The following ADCY5 variants were observed in gnomAD, a reference collection of about 807,000 sequenced individuals.
The protein encoded by ADCY5 is adenylate cyclase 5.
ADCY5 carries 30 observed loss-of-function variants against 119.7 expected under a neutral mutation model. The ratio of observed to expected loss-of-function variants is 0.25; its 90% CI spans 0.19 to 0.34. ADCY5 has a LOEUF of 0.34. Ranked by LOEUF, ADCY5 falls within the 10% of genes least tolerant of loss-of-function variation. The pLI, the probability that ADCY5 is intolerant of heterozygous loss-of-function variation, is 1.00. For missense variants in ADCY5, 1,324 were observed against 1,775.2 expected (o/e 0.75, Z 4.57); for synonymous variants, 753 against 762.2 (o/e 0.99, Z 0.20).
intron 3 of ADCY5, among the ~76,000 whole-genome samples, chr3:123,344,777 T>C (rs1420311126): frequency 2.0e-5 from 3 of 152,152 alleles, no homozygotes; most frequent in Non-Finnish European, 4.4e-5. Flanking sequence ...AGCACTGTGT[T>C]TCTACCAAGG....
intron 5 of ADCY5, among the ~76,000 whole-genome samples, chr3:123,329,561 T>A (rs967661037): frequency 4.6e-5 from 7 of 152,268 alleles, no homozygotes; most frequent in African/African-American, 1.7e-4. Flanking sequence ...CTGCCCAGCA[T>A]CTGCAGGAGA....
At chr3:123,381,942 C>A (rs1487972687) in intron 1 of ADCY5, among the ~76,000 whole-genome samples, 1 of 152,198 alleles carries the variant, frequency 6.6e-6, no homozygotes. Flanking sequence ...CCTTCTCACT[C>A]AAGGGAGAAG....
chr3:123,392,331 A>C (rs1944421586), intron 1 of ADCY5, among the ~76,000 whole-genome samples: 1 of 152,080 alleles, frequency 6.6e-6, no homozygotes, highest in Non-Finnish European at 1.5e-5. Context: ...AATGTGAGCA[A>C]GTTTTTTTCT....
rs757054331 is a variant in ADCY5 at position 123,325,376 on chromosome 3, G to A, written c.2034C>T (p.Arg678=). 6.2e-7 allele frequency: 1 copy of A among 1,614,154 alleles called. No individual in the cohort carries two copies. The highest frequency in any genetic ancestry group is 2.2e-5 in the East Asian group (1 of 44,856). ...GHNPPHWGAE[R]PFYNHLGGNQ... ...TGCCACCCAGGTGGTTGTAGAAGGGGCGCTCAGCCCCCCAGTGTGGTGGGT... is the reference window on the plus strand; with the variant it reads ...TGCCACCCAGGTGGTTGTAGAAGGGACGCTCAGCCCCCCAGTGTGGTGGGT... Residue 678 remains arginine (R), a synonymous_variant, in exon 8 of 21, where the codon CGC becomes CGT. Transcript: ENST00000462833.
chr3:123,351,955 G>C (rs1197466184), intron 2 of ADCY5, among the ~76,000 whole-genome samples: 1 of 152,198 alleles, frequency 6.6e-6, no homozygotes, highest in Non-Finnish European at 1.5e-5. Flanking sequence ...TCAGAGAGGG[G>C]AATAGCCAGG....
At chr3:123,415,538 G>A (rs774076953) in intron 1 of ADCY5, among the ~76,000 whole-genome samples, 3 of 152,180 alleles carry the variant, frequency 2.0e-5, no homozygotes, top group Non-Finnish European at 2.9e-5. Context: ...TCTCTTCAGC[G>A]TCTGCGGGAC....
At chr3:123,325,511 G>T in intron 7 of ADCY5, 49 bp from the exon 8 acceptor site, 1 of 1,610,986 alleles carries the variant, frequency 6.2e-7, no homozygotes. Context: ...CCAAGCGGAG[G>T]GCTCCTCACC....
chr3:123,443,905 G>C (rs1470248284), intron 1 of ADCY5, among the ~76,000 whole-genome samples: 1 of 152,150 alleles, frequency 6.6e-6, no homozygotes, highest in Non-Finnish European at 1.5e-5. Context: ...TCATCACCTA[G>C]AGTCCAGACC....
At chr3:123,357,427 C>T (rs975996918) in intron 1 of ADCY5, among the ~76,000 whole-genome samples, 2 of 152,082 alleles carry the variant, frequency 1.3e-5, no homozygotes, top group Admixed American at 6.6e-5. Flanking sequence ...ACTAATCCTC[C>T]GGGTCTCTCC....
chr3:123,292,598 C>A (rs1396580970), intron 17 of ADCY5, among the ~76,000 whole-genome samples: 3 of 152,174 alleles, frequency 2.0e-5, no homozygotes, highest in African/African-American at 7.2e-5. Flanking sequence ...CTTGCCAAGC[C>A]TTCCTGCCCA....
chr3:123,345,769 G>GACAGACACACACACACACAC (rs57198270), intron 3 of ADCY5, among the ~76,000 whole-genome samples: 202 of 113,816 alleles, frequency 1.8e-3, no homozygotes, highest in East Asian at 0.016. Context: ...CAGACAGACA[G>GACAGACACACACACACACAC]ACACACACAC....
chr3:123,426,986 T>C (rs1945428753), intron 1 of ADCY5, among the ~76,000 whole-genome samples: 1 of 152,158 alleles, frequency 6.6e-6, no homozygotes, highest in African/African-American at 2.4e-5. Context: ...TTGGGATCCA[T>C]CCAAGTCCCC....
chr3:123,339,656 C>T (rs532061947), intron 3 of ADCY5, among the ~76,000 whole-genome samples: 1 of 152,182 alleles, frequency 6.6e-6, no homozygotes, highest in East Asian at 1.9e-4. Flanking sequence ...GGACTGGGTC[C>T]AGGGGTCCTA....
At chr3:123,409,434 A>C (rs1340262640) in intron 1 of ADCY5, among the ~76,000 whole-genome samples, 1 of 152,216 alleles carries the variant, frequency 6.6e-6, no homozygotes, top group African/African-American at 2.4e-5. Flanking sequence ...CCACTGGAGA[A>C]GGTATCCTTG....
At chr3:123,308,777 C>T (rs1017204000) in intron 12 of ADCY5, among the ~76,000 whole-genome samples, 8 of 152,074 alleles carry the variant, frequency 5.3e-5, no homozygotes, top group African/African-American at 1.2e-4. Flanking sequence ...TGCAGTGAGC[C>T]GAGATCGTGC....
intron 1 of ADCY5, among the ~76,000 whole-genome samples, chr3:123,388,532 C>T (rs1944303330): frequency 6.6e-6 from 1 of 151,994 alleles, no homozygotes; most frequent in East Asian, 1.9e-4. Flanking sequence ...TGTGCAGGTG[C>T]ATCTCCGGAG....
chr3:123,284,837 CCT>C (rs1282993562), intron 20 of ADCY5, 101 bp from the exon 21 acceptor site: 17 of 1,503,856 alleles, frequency 1.1e-5, no homozygotes, highest in East Asian at 2.3e-5. Flanking sequence ...TGTTGCCGCC[CCT>C]GACACAGAAG....
intron 12 of ADCY5, among the ~76,000 whole-genome samples, chr3:123,312,879 T>C (rs1183775024): frequency 6.6e-6 from 1 of 151,754 alleles, no homozygotes; most frequent in Admixed American, 6.6e-5. Flanking sequence ...GATGAAGAAG[T>C]GGAACTGTCC....
intron 1 of ADCY5, among the ~76,000 whole-genome samples, chr3:123,443,509 C>T (rs959950160): frequency 1.3e-5 from 2 of 152,168 alleles, no homozygotes; most frequent in Non-Finnish European, 2.9e-5. Flanking sequence ...GCCACAGCCT[C>T]GATTCTTGGT....
Sources: allele counts gnomAD v4.1 joint callset (sites outside exome capture counted in the v4.1 genomes callset), GRCh38; gene constraint gnomAD v4.1.1; transcripts MANE v1.5; gene names NCBI Gene and HGNC (gene_info 2026-07-23, HGNC 2026-07-21).